NARS1: variants seen among roughly 807,000 people sequenced by gnomAD.
The protein encoded by NARS1 is asparagine--tRNA ligase, cytoplasmic.
A neutral mutation model predicts 79.2 loss-of-function variants in NARS1; 65 were observed. The observed-to-expected ratio is 0.82, with a 90% CI of 0.67 to 1.01. The LOEUF is 1.01. NARS1 is among the 50% of genes least tolerant of loss of function. The pLI, the probability that NARS1 is intolerant of heterozygous loss-of-function variation, is 0.00. For missense variants in NARS1, 649 were observed against 673.8 expected (o/e 0.96, Z 0.41); for synonymous variants, 229 against 238.8 (o/e 0.96, Z 0.38).
Position 57,601,559 on chromosome 18 carries a change from G to T in NARS1, c.*93C>A. On this transcript the variant is annotated 3_prime_UTR_variant, in exon 14 of 14. Coordinates refer to ENST00000256854, the MANE Select transcript of NARS1 (RefSeq NM_004539.4). Reference sequence around the variant, plus strand: ...GAAAAACAGAAAGAGAAACCCCAATGAAACAAAAAAAGGAAGATTCTGGCT... The same window carrying T: ...GAAAAACAGAAAGAGAAACCCCAATTAAACAAAAAAAGGAAGATTCTGGCT... 1 of 1,318,130 alleles carries T rather than the reference G, an allele frequency of 7.6e-7. No individual in the cohort carries two copies. Among genetic ancestry groups the T allele is most frequent in the South Asian group, 1.7e-5 (1 of 59,464 alleles). The allele number at this position is 1,318,130 out of a possible 1,614,324, so 81.7% of individuals were successfully genotyped here.
intron 1 of NARS1, among the ~76,000 whole-genome samples, chr18:57,621,185 A>C (rs185911713): frequency 6.6e-6 from 1 of 152,088 alleles, no homozygotes; most frequent in East Asian, 1.9e-4. Flanking sequence ...AGAAGCTCTG[A>C]GGTTAGAAAA....
Position 57,613,597 on chromosome 18 carries a change from T to C in NARS1, c.421+5A>G. 6.2e-7 allele frequency: 1 copy of C among 1,611,194 alleles called. No individual in the cohort carries two copies. The highest frequency in any genetic ancestry group is 8.5e-7 in the Non-Finnish European group (1 of 1,178,190). On this transcript the variant is annotated splice_donor_5th_base_variant and intron_variant, in intron 5 of 13. Coordinates refer to ENST00000256854, the MANE Select transcript of NARS1 (RefSeq NM_004539.4). ...TTAAAAAGAAGGAAAAGCTTTGCCA[T>C]TTACCTTGCCTGCGCAGCCTGTGGA...
In NARS1 at chr18:57,615,824, T is replaced by G. The variant is rs1907998406; in HGVS notation, c.245A>C (p.Lys82Thr). 3.7e-6 allele frequency: 6 copies of G among 1,611,580 alleles called. No homozygotes were observed. Among genetic ancestry groups the G allele is most frequent in the Non-Finnish European group, 5.1e-6 (6 of 1,179,236 alleles). Reference sequence around the variant, plus strand: ...GGCAAGGTCAGGACTCACCTCTTTCTTTTCCCGGGATTCACTCTTCATTTG... The same window carrying G: ...GGCAAGGTCAGGACTCACCTCTTTCGTTTCCCGGGATTCACTCTTCATTTG... ...REQMKSESRE[K>T]KEAEDSLRRE... Residue 82 changes from lysine (K) to threonine (T), a missense_variant, in exon 3 of 14, where the codon AAG becomes ACG. Physicochemically the swap from Lys to Thr is moderately conservative, Grantham distance 78. Coordinates refer to ENST00000256854, the MANE Select transcript of NARS1 (RefSeq NM_004539.4).
At position 57,601,670 on chromosome 18, in the gene NARS1, G is replaced by C. The variant is rs776257941; in HGVS notation, c.1629C>G (p.Val543=). ...IRDVCLYPRF[V]QRCTP ...AAAATGGTTATGGCGTGCAACGCTG[G>C]ACAAATCGAGGGTATAAGCACACGT... is the stretch of plus-strand genomic sequence containing the variant. Residue 543 remains valine, a synonymous_variant, in exon 14 of 14, where the codon GTC becomes GTG. Coordinates refer to ENST00000256854, the MANE Select transcript of NARS1 (RefSeq NM_004539.4). 2.5e-6 allele frequency: 4 copies of C among 1,613,890 alleles called. No homozygotes were observed. The highest frequency in any genetic ancestry group is 2.2e-5 in the East Asian group (1 of 44,864).
intron 2 of NARS1, among the ~76,000 whole-genome samples, chr18:57,617,623 A>G (rs2122456432): frequency 6.9e-6 from 1 of 144,704 alleles, no homozygotes; most frequent in South Asian, 2.2e-4. Flanking sequence ...GGATCTTTTG[A>G]AAACATTCAA....
In NARS1 at chr18:57,611,719, G is replaced by C. The variant is rs775159799; in HGVS notation, c.422-12C>G. On this transcript the variant is annotated splice_polypyrimidine_tract_variant and intron_variant, in intron 5 of 13. Coordinates refer to ENST00000256854, the MANE Select transcript of NARS1 (RefSeq NM_004539.4). ...CATTAAATTCTTTCCTAAAAAATGA[G>C]AAATAATAATTTAGGCAGACTGTTC... is the stretch of plus-strand genomic sequence containing the variant. 8 of 1,531,754 alleles carry C rather than the reference G, an allele frequency of 5.2e-6. No individual in the cohort carries two copies. Among genetic ancestry groups the C allele is most frequent in the Non-Finnish European group, 6.2e-6 (7 of 1,124,284 alleles). The allele number at this position is 1,531,754 out of a possible 1,614,324, so 94.9% of individuals were successfully genotyped here. A position where few individuals can be genotyped will look rare whatever the true frequency, so the allele number is the denominator to read the frequency against.
rs372383339 is a variant in NARS1, at chr18:57,621,460, G to A, written c.10+248C>T. 2.7e-4 allele frequency among the ~76,000 whole-genome samples: 41 copies of A among 152,292 alleles called. No individual in the cohort carries two copies. In the East Asian group the frequency reaches 7.5e-3, roughly 28 times the overall value. ...ATCGGGAGGTTTCGCAGCGGGGCAGGGGAAGGGCCCGGAGCCACCGCCATC... is the reference window on the plus strand; with the variant it reads ...ATCGGGAGGTTTCGCAGCGGGGCAGAGGAAGGGCCCGGAGCCACCGCCATC... On this transcript the variant is annotated intron_variant, in intron 1 of 13. Transcript: ENST00000256854.
At chr18:57,606,883 T>G in intron 9 of NARS1, 132 bp from the exon 10 acceptor site, 1 of 1,168,314 alleles carries the variant, frequency 8.6e-7, no homozygotes, top group Non-Finnish European at 1.2e-6. Context: ...GCAAATTAGC[T>G]GTGGACTCCC....
chr18:57,616,540 T>C (rs1023331786), intron 2 of NARS1, among the ~76,000 whole-genome samples: 2 of 151,924 alleles, frequency 1.3e-5, no homozygotes, highest in Admixed American at 1.3e-4. Flanking sequence ...AAGCAGACTA[T>C]AAGCAACAGA....
At chr18:57,610,062 C>A (rs2051592484) in intron 6 of NARS1, among the ~76,000 whole-genome samples, 1 of 151,350 alleles carries the variant, frequency 6.6e-6, no homozygotes, top group Non-Finnish European at 1.5e-5. Context: ...ACAAACAAAA[C>A]CATACAGAGC....
Position 57,605,934 on chromosome 18 carries a change from T to G in NARS1, c.1174A>C (p.Asn392His). 1.2e-6 allele frequency: 2 copies of G among 1,613,760 alleles called. No homozygotes were observed. Among genetic ancestry groups the G allele is most frequent in the Non-Finnish European group, 1.7e-6 (2 of 1,179,832 alleles). Residue 392 changes from asparagine to histidine, a missense_variant, in exon 11 of 14, where the codon AAC becomes CAC. Physicochemically the swap from Asn to His is moderately conservative, Grantham distance 68. Transcript: ENST00000256854. ...QPPKRPFKRM[N>H]YSDAIVWLKE... ...AGCCAAACGATAGCATCTGAATAGTTCATCCGTTTGAAAGGCCGTTTGGGG... is the reference window on the plus strand; with the variant it reads ...AGCCAAACGATAGCATCTGAATAGTGCATCCGTTTGAAAGGCCGTTTGGGG...
Position 57,600,769 on chromosome 18 carries a change from C to G in NARS1, c.*883G>C, listed in dbSNP as rs1219921160. 1.3e-5 allele frequency: 2 copies of G among 152,156 alleles called. No homozygotes were observed. The highest frequency in any genetic ancestry group is 4.8e-5 in the African/African-American group (2 of 41,428). 9.4% of individuals were successfully genotyped at this position (152,156 alleles called of 1,614,324 possible). A position where few individuals can be genotyped will look rare whatever the true frequency, so the allele number is the denominator to read the frequency against. ...TCTGAAATGAAGCCATTCAGTAAGCCTGCTGTGAGTTAATAAGGTAGCACA... is the reference window on the plus strand; with the variant it reads ...TCTGAAATGAAGCCATTCAGTAAGCGTGCTGTGAGTTAATAAGGTAGCACA... On this transcript the variant is annotated 3_prime_UTR_variant, in exon 14 of 14. Coordinates refer to ENST00000256854, the MANE Select transcript of NARS1 (RefSeq NM_004539.4).
Position 57,620,616 on chromosome 18 carries a change from C to T in NARS1, c.46G>A (p.Ala16Thr), listed in dbSNP as rs749708323. ...LYVSDREGSD[A>T]TGDGTKEKPF... ...TTCTCCTTGGTTCCATCTCCCGTGGCATCGCTTCCCTCTCGGTCAGAGACG... is the reference window on the plus strand; with the variant it reads ...TTCTCCTTGGTTCCATCTCCCGTGGTATCGCTTCCCTCTCGGTCAGAGACG... Residue 16 changes from alanine to threonine, a missense_variant, in exon 2 of 14, where the codon GCC (alanine) becomes ACC (threonine). Transcript: ENST00000256854. The T allele has an allele frequency of 3.7e-6, 6 of 1,613,800 alleles. No individual in the cohort carries two copies. The highest frequency in any genetic ancestry group is 1.6e-4 in the Middle Eastern group (1 of 6,082).
intron 4 of NARS1, among the ~76,000 whole-genome samples, chr18:57,615,126 C>G (rs916258618): frequency 6.6e-6 from 1 of 152,066 alleles, no homozygotes; most frequent in Admixed American, 6.6e-5. Flanking sequence ...AGAAACTGCA[C>G]CACTGCACTC....
intron 1 of NARS1, 38 bp from the exon 2 acceptor site, chr18:57,620,689 T>C (rs954958584): frequency 1.6e-6 from 2 of 1,285,650 alleles, no homozygotes; most frequent in South Asian, 2.4e-5. Flanking sequence ...GGTCTGGCCA[T>C]TAACTATTAG....
intron 5 of NARS1, 52 bp downstream of exon 5, chr18:57,613,550 T>C (rs374468421): frequency 1.4e-6 from 2 of 1,448,178 alleles, no homozygotes; most frequent in African/African-American, 2.9e-5. Flanking sequence ...TTTCTTCATC[T>C]AAGAGCAGGG....
rs148146711 is a variant in NARS1 at position 57,620,093 on chromosome 18, T to C, written c.93+476A>G. On this transcript the variant is annotated intron_variant, in intron 2 of 13. Coordinates refer to ENST00000256854, the MANE Select transcript of NARS1 (RefSeq NM_004539.4). ...TGTTAATTCATTAACAGAATGTTAA[T>C]AAATTGGCATTCTAGCTTGAAGCTC... 2.9e-3 allele frequency among the ~76,000 whole-genome samples: 444 copies of C among 152,254 alleles called. 2 individuals are homozygous for C. The highest frequency in any genetic ancestry group is 0.01 in the African/African-American group (426 of 41,560).
intron 11 of NARS1, among the ~76,000 whole-genome samples, chr18:57,604,147 C>T (rs1352469704): frequency 6.6e-6 from 1 of 152,248 alleles, no homozygotes; most frequent in East Asian, 1.9e-4. Context: ...GGGGGGCCTT[C>T]TGACTCCACA....
chr18:57,601,470 A>G lies in NARS1; in HGVS notation c.*182T>C, dbSNP rs914560858. The G allele has an allele frequency of 7.4e-6, 4 of 538,710 alleles. No homozygotes were observed. Among genetic ancestry groups the G allele is most frequent in the Non-Finnish European group, 1.2e-5 (4 of 342,662 alleles). 33.4% of individuals were successfully genotyped at this position (538,710 alleles called of 1,614,324 possible). On this transcript the variant is annotated 3_prime_UTR_variant, in exon 14 of 14. Transcript: ENST00000256854. ...AGAAAAAAATGGATATTTTTTCTTA[A>G]GATGACAACCTTAATATCACTTGAT...
Sources: gnomAD v4.1 joint callset for allele counts (sites outside exome capture counted in the v4.1 genomes callset) on GRCh38, gnomAD v4.1.1 for gene constraint, MANE v1.5 for transcripts, NCBI Gene and HGNC (gene_info 2026-07-23, HGNC 2026-07-21) for gene names.